The following MARCHF9 variants were observed in gnomAD, a reference collection of about 807,000 sequenced individuals.
The protein encoded by MARCHF9 is membrane associated ring-CH-type finger 9.
Under a neutral mutation model 35.2 loss-of-function variants are expected in MARCHF9, and 17 were observed. That is an observed-to-expected ratio of 0.48 (90% CI 0.33 to 0.72). MARCHF9 has a LOEUF of 0.72. Among genes scored for constraint, MARCHF9 ranks in the 30% least tolerant of loss-of-function variants. The pLI, the probability that MARCHF9 is intolerant of heterozygous loss-of-function variation, is 0.02. For synonymous variants in MARCHF9, 183 were observed against 207.4 expected (o/e 0.88, Z 1.01); for missense variants, 386 against 478.2 (o/e 0.81, Z 1.80).
chr12:57,757,174 C>G, intron 2 of MARCHF9, 90 bp downstream of exon 2: 59 of 1,389,008 alleles, frequency 4.2e-5, no homozygotes, highest in Non-Finnish European at 5.6e-5. Context: ...TTCATTTACT[C>G]TTTTCCCAAA....
chr12:57,755,465 TCCCCTCCCCCCGCCGCTAGCGA>T lies in MARCHF9; in HGVS notation c.-63_-42del. The T allele has an allele frequency of 1.8e-6, 1 of 564,112 alleles. No individual in the cohort carries two copies. Among genetic ancestry groups the T allele is most frequent in the Non-Finnish European group, 2.5e-6 (1 of 404,360 alleles). The allele number at this position is 564,112 out of a possible 1,614,324, so 34.9% of individuals were successfully genotyped here. A position where few individuals can be genotyped will look rare whatever the true frequency, so the allele number is the denominator to read the frequency against. ...GCGCCCCCTTCCCGGCCTTGTCCTC[TCCCCTCCCCCCGCCGCTAGCGA>T]GCCCCCCTTGCACGCTGCCCCCCGC... is the stretch of plus-strand genomic sequence containing the variant. On this transcript the variant is annotated 5_prime_UTR_variant, in exon 1 of 4. Coordinates refer to ENST00000266643, the MANE Select transcript of MARCHF9 (RefSeq NM_138396.6).
chr12:57,758,571 A>G lies in MARCHF9; in HGVS notation c.715A>G (p.Ile239Val), dbSNP rs1955300837. ...FMDVVCIGLI[I>V]HEGSSVYRIF... is the part of the protein sequence containing the mutation. The stretch of plus-strand genomic sequence containing the variant: ...TTATTCCTATTGCTCAGGCCTCATC[A>G]TCCATGAAGGCTCCTCTGTCTACCG... Residue 239 changes from isoleucine to valine, a missense_variant, in exon 4 of 4, where the codon ATC becomes GTC. By Grantham distance (29) the Ile-to-Val change is conservative. Transcript: ENST00000266643. The surrounding 1 kb of genome is among the most constrained non-coding windows in gnomAD (Gnocchi z 5.4). 6.2e-7 allele frequency: 1 copy of G among 1,606,138 alleles called. No individual in the cohort carries two copies. Among genetic ancestry groups the G allele is most frequent in the Non-Finnish European group, 8.5e-7 (1 of 1,175,100 alleles).
In MARCHF9 at chr12:57,757,118, G is replaced by A. The variant is rs767247873; in HGVS notation, c.513+34G>A. On this transcript the variant is annotated intron_variant, in intron 2 of 3. Coordinates refer to ENST00000266643, the MANE Select transcript of MARCHF9 (RefSeq NM_138396.6). ...CAAGGAGAGGACTCGGAGATTGGGC[G>A]AGGACCTTTTAGCTATTGGACTCAG... 1.3e-5 allele frequency: 20 copies of A among 1,509,784 alleles called. No homozygotes were observed. In the South Asian group the frequency reaches 1.9e-4, roughly 14 times the overall value. The allele number at this position is 1,509,784 out of a possible 1,614,324, so 93.5% of individuals were successfully genotyped here.
At chr12:57,757,682 G>T in intron 2 of MARCHF9, 1 of 434,040 alleles carries the variant, frequency 2.3e-6, no homozygotes, top group Non-Finnish European at 4.1e-6. Context: ...AAAAAATGAT[G>T]TTGATGATGA....
Position 57,758,929 on chromosome 12 carries a change from A to G in MARCHF9, c.*32A>G, listed in dbSNP as rs935915721. ...CTCCAGGAGCAGGGATCTTGAGTCA[A>G]TGCATCAGTCAGAGAAGAACTCTCA... On this transcript the variant is annotated 3_prime_UTR_variant, in exon 4 of 4. Transcript: ENST00000266643. This position sits in a 1 kb window ranked among gnomAD's most constrained non-coding sequence, Gnocchi z 5.4. 1 of 1,532,556 alleles carries G rather than the reference A, an allele frequency of 6.5e-7. No individual in the cohort carries two copies. Among genetic ancestry groups the G allele is most frequent in the Non-Finnish European group, 8.8e-7 (1 of 1,133,512 alleles). 94.9% of individuals were successfully genotyped at this position (1,532,556 alleles called of 1,614,324 possible). A position where few individuals can be genotyped will look rare whatever the true frequency, so the allele number is the denominator to read the frequency against.
At position 57,758,871 on chromosome 12, in the gene MARCHF9, G is replaced by C; in HGVS notation, c.1015G>C (p.Val339Leu). ...ARSSSHSGRE[V>L]VMRVTTV ...TTCCAGCTCCCATTCTGGCCGAGAGGTTGTCATGAGGGTCACTACAGTCTG... is the reference window on the plus strand; with the variant it reads ...TTCCAGCTCCCATTCTGGCCGAGAGCTTGTCATGAGGGTCACTACAGTCTG... The change falls in exon 4 of 4, where the codon GTT becomes CTT. Residue 339 changes from valine (V) to leucine (L), a missense_variant. Val to Leu is a conservative substitution (Grantham distance 32). This residue lies in a region of MARCHF9 where 111 missense variants were observed against 112.4 expected (regional missense o/e 0.99). Coordinates refer to ENST00000266643, the MANE Select transcript of MARCHF9 (RefSeq NM_138396.6). The surrounding 1 kb of genome is among the most constrained non-coding windows in gnomAD (Gnocchi z 5.4). 5 of 1,603,910 alleles carry C rather than the reference G, an allele frequency of 3.1e-6. No individual in the cohort carries two copies. The highest frequency in any genetic ancestry group is 4.3e-6 in the Non-Finnish European group (5 of 1,173,696).
intron 1 of MARCHF9, 35 bp downstream of exon 1, chr12:57,755,920 G>A (rs1346861743): frequency 7.8e-6 from 11 of 1,402,718 alleles, no homozygotes; most frequent in Non-Finnish European, 1.0e-5. Context: ...CGCGGAGGGT[G>A]GAGGCGCGCA....
chr12:57,757,218 G>C, intron 2 of MARCHF9, 134 bp downstream of exon 2: 1 of 971,294 alleles, frequency 1.0e-6, no homozygotes, highest in Non-Finnish European at 1.5e-6. Context: ...ACAGTCTCCC[G>C]TGTGTCTGTA....
In MARCHF9 at chr12:57,759,100, G is replaced by A. The variant is rs1432779163; in HGVS notation, c.*203G>A. 5.5e-6 allele frequency: 3 copies of A among 542,478 alleles called. No homozygotes were observed. Among genetic ancestry groups the A allele is most frequent in the South Asian group, 3.1e-5 (1 of 32,200 alleles). 33.6% of individuals were successfully genotyped at this position (542,478 alleles called of 1,614,324 possible). On this transcript the variant is annotated 3_prime_UTR_variant, in exon 4 of 4. Coordinates refer to ENST00000266643, the MANE Select transcript of MARCHF9 (RefSeq NM_138396.6). The stretch of plus-strand genomic sequence containing the variant: ...ACACCTGGATGACATTTCAGTACCC[G>A]CTGGCAGCTCCTCCCACTCATCCAG...
rs1335936219 is a variant in MARCHF9, at chr12:57,758,744, G to A, written c.888G>A (p.Thr296=). ...NSRTGPTSGA[T]SRPPAAQRMR... ...GGACGGGCCCCACCTCTGGGGCCAC[G>A]AGCCGCCCCCCAGCTGCCCAGCGCA... The change falls in exon 4 of 4, where the codon ACG becomes ACA. Residue 296 remains threonine (T), a synonymous_variant. Coordinates refer to ENST00000266643, the MANE Select transcript of MARCHF9 (RefSeq NM_138396.6). The surrounding 1 kb of genome is among the most constrained non-coding windows in gnomAD (Gnocchi z 5.4). The A allele has an allele frequency of 5.6e-6, 9 of 1,610,822 alleles. No homozygotes were observed. Among genetic ancestry groups the A allele is most frequent in the African/African-American group, 2.7e-5 (2 of 74,884 alleles).
rs1353833645 is a variant in MARCHF9, at chr12:57,755,494, CTTGCACGCTG to C, written c.-34_-25del. ...CTCCCCCCGCCGCTAGCGAGCCCCC[CTTGCACGCTG>C]CCCCCCGCCCCCGGTGTCCGGACGA... On this transcript the variant is annotated 5_prime_UTR_variant, in exon 1 of 4. Coordinates refer to ENST00000266643, the MANE Select transcript of MARCHF9 (RefSeq NM_138396.6). The C allele has an allele frequency of 9.0e-7, 1 of 1,110,472 alleles. No homozygotes were observed. Among genetic ancestry groups the C allele is most frequent in the South Asian group, 2.2e-5 (1 of 46,230 alleles). The allele number at this position is 1,110,472 out of a possible 1,614,324, so 68.8% of individuals were successfully genotyped here. A position where few individuals can be genotyped will look rare whatever the true frequency, so the allele number is the denominator to read the frequency against.
rs1269189745 is a variant in MARCHF9 at position 57,755,508 on chromosome 12, C to T, written c.-21C>T. 10 of 1,269,842 alleles carry T rather than the reference C, an allele frequency of 7.9e-6. No individual in the cohort carries two copies. In the Admixed American group the frequency reaches 1.5e-4, roughly 19 times the overall value. 78.7% of individuals were successfully genotyped at this position (1,269,842 alleles called of 1,614,324 possible). On this transcript the variant is annotated 5_prime_UTR_variant, in exon 1 of 4. Coordinates refer to ENST00000266643, the MANE Select transcript of MARCHF9 (RefSeq NM_138396.6). Reference sequence around the variant, plus strand: ...AGCGAGCCCCCCTTGCACGCTGCCCCCCGCCCCCGGTGTCCGGACGATGCT... The same window carrying T: ...AGCGAGCCCCCCTTGCACGCTGCCCTCCGCCCCCGGTGTCCGGACGATGCT...
Position 57,759,042 on chromosome 12 carries a change from A to T in MARCHF9, c.*145A>T. ...CTGTGTGGGTAGCCTCAAGCTGGAG[A>T]CATTGTCTGGCCTCACTGCCCACTG... is the stretch of plus-strand genomic sequence containing the variant. On this transcript the variant is annotated 3_prime_UTR_variant, in exon 4 of 4. Transcript: ENST00000266643. 1.2e-6 allele frequency: 1 copy of T among 828,698 alleles called. No homozygotes were observed. Among genetic ancestry groups the T allele is most frequent in the African/African-American group, 1.7e-5 (1 of 58,262 alleles). The allele number at this position is 828,698 out of a possible 1,614,324, so 51.3% of individuals were successfully genotyped here. A position where few individuals can be genotyped will look rare whatever the true frequency, so the allele number is the denominator to read the frequency against.
intron 1 of MARCHF9, among the ~76,000 whole-genome samples, chr12:57,756,622 T>C (rs1955289226): frequency 6.6e-6 from 1 of 152,164 alleles, no homozygotes; most frequent in African/African-American, 2.4e-5. Context: ...AAGCCTTTCT[T>C]TTGAGAAGTC....
rs376742893 is a variant in MARCHF9, at chr12:57,758,796, G to C, written c.940G>C (p.Gly314Arg). The C allele has an allele frequency of 6.9e-5, 112 of 1,613,362 alleles. No individual in the cohort carries two copies. The highest frequency in any genetic ancestry group is 9.1e-5 in the Non-Finnish European group (107 of 1,179,912). ...GCGGACGCTCTTGCCTCAGCGCTGC[G>C]GTTATACAATCTTGCACCTCCTTGG... ...RMRTLLPQRC[G>R]YTILHLLGQL... The change falls in exon 4 of 4, where the codon GGT becomes CGT. Residue 314 changes from glycine to arginine, a missense_variant. Around this residue, in one of 3 missense-constraint regions of MARCHF9, gnomAD observed 111 missense variants for 112.4 expected, o/e 0.99. Transcript: ENST00000266643. This position sits in a 1 kb window ranked among gnomAD's most constrained non-coding sequence, Gnocchi z 5.4.
rs534740286 is a variant in MARCHF9 at position 57,759,063 on chromosome 12, C to T, written c.*166C>T. ...GGAGACATTGTCTGGCCTCACTGCC[C>T]ACTGGGTAGAGACACCTGGATGACA... On this transcript the variant is annotated 3_prime_UTR_variant, in exon 4 of 4. Coordinates refer to ENST00000266643, the MANE Select transcript of MARCHF9 (RefSeq NM_138396.6). 230 of 679,052 alleles carry T rather than the reference C, an allele frequency of 3.4e-4. 1 individual carries two copies. The highest frequency in any genetic ancestry group is 5.3e-4 in the Non-Finnish European group (221 of 417,476). The allele number at this position is 679,052 out of a possible 1,614,324, so 42.1% of individuals were successfully genotyped here.
At chr12:57,757,950 G>T (rs1297480033) in intron 2 of MARCHF9, 158 bp from the exon 3 acceptor site, 3 of 781,780 alleles carry the variant, frequency 3.8e-6, no homozygotes, top group Admixed American at 2.0e-5. Flanking sequence ...TCAGACAAGT[G>T]CCACATTCTA....
chr12:57,755,596 G>A lies in MARCHF9; in HGVS notation c.68G>A (p.Arg23Gln). ...CTGCTGGTGCTGACAGGCGGGGGGC[G>A]GCCCCGGGCCGAGCCGCAACCCCGG... ...LKLLVLTGGG[R>Q]PRAEPQPRGG... Residue 23 changes from arginine (R) to glutamine (Q), a missense_variant, in exon 1 of 4, where the codon CGG (arginine) becomes CAG (glutamine). Transcript: ENST00000266643. 7.3e-7 allele frequency: 1 copy of A among 1,364,582 alleles called. No individual in the cohort carries two copies. The highest frequency in any genetic ancestry group is 9.4e-7 in the Non-Finnish European group (1 of 1,059,056). The allele number at this position is 1,364,582 out of a possible 1,614,324, so 84.5% of individuals were successfully genotyped here.
At chr12:57,757,588 G>C (rs1955295403) in intron 2 of MARCHF9, 2 of 215,598 alleles carry the variant, frequency 9.3e-6, no homozygotes, top group African/African-American at 4.7e-5. Flanking sequence ...AGAGGTTGCA[G>C]TGAGCCGAGA....
Sources: allele counts gnomAD v4.1 joint callset (sites outside exome capture counted in the v4.1 genomes callset), GRCh38; gene constraint gnomAD v4.1.1; regional missense constraint gnomAD v4.1.1; non-coding constraint Gnocchi (gnomAD v3.1); transcripts MANE v1.5; gene names NCBI Gene and HGNC (gene_info 2026-07-23, HGNC 2026-07-21).